Variants in CRACD observed in about 807,000 individuals in gnomAD.
CRACD encodes the protein capping protein inhibiting regulator of actin dynamics.
Under a neutral mutation model 106.8 loss-of-function variants are expected in CRACD, and 56 were observed. The observed-to-expected ratio is 0.52, with a 90% confidence interval of 0.42 to 0.66. The LOEUF (loss-of-function observed/expected upper bound fraction) is 0.66. CRACD is among the 30% of genes least tolerant of loss of function. The probability of loss-of-function intolerance (pLI) is 0.00; values close to 1 mark genes in which losing one functional copy is unlikely to be tolerated. For missense variants in CRACD, 1,730 were observed against 1,623.2 expected, an observed-to-expected ratio of 1.07 and a Z score of -1.13; for synonymous variants, 754 against 670.8, an observed-to-expected ratio of 1.12 and a Z score of -1.92.
chr4:56,261,732 G>GA (rs1741717404), intron 2 of CRACD, among the ~76,000 whole-genome samples: 1 of 152,032 alleles, frequency 6.6e-6, no homozygotes, highest in African/African-American at 2.4e-5. Context: ...CAGACCAGTG[G>GA]AAAAAAACTA....
At chr4:56,176,024 T>C (rs1272135062) in intron 1 of CRACD, among the ~76,000 whole-genome samples, 2 of 152,236 alleles carry the variant, frequency 1.3e-5, no homozygotes, top group Non-Finnish European at 2.9e-5. Context: ...GCATCATTTA[T>C]TGAAGAGACT....
At chr4:56,234,450 A>G (rs915598873) in intron 2 of CRACD, among the ~76,000 whole-genome samples, 64 of 152,066 alleles carry the variant, frequency 4.2e-4, no homozygotes, top group African/African-American at 1.5e-3. Context: ...GTGGATCTAT[A>G]TAACATCTTG....
intron 2 of CRACD, among the ~76,000 whole-genome samples, chr4:56,240,671 A>AT (rs545610884): frequency 2.6e-5 from 4 of 152,150 alleles, no homozygotes; most frequent in East Asian, 1.9e-4. Flanking sequence ...CACTTGGCTA[A>AT]TTTTTTCTGT....
At chr4:56,100,881 T>C (rs1328154043) in intron 1 of CRACD, among the ~76,000 whole-genome samples, 3 of 152,204 alleles carry the variant, frequency 2.0e-5, no homozygotes, top group Non-Finnish European at 4.4e-5. Flanking sequence ...AATGAATATC[T>C]ATATCAAGTG....
chr4:56,066,370 G>A (rs1252258775), intron 1 of CRACD, among the ~76,000 whole-genome samples: 2 of 152,008 alleles, frequency 1.3e-5, no homozygotes, highest in Non-Finnish European at 2.9e-5. Flanking sequence ...TTTCATCATA[G>A]CTTGTGGTCA....
chr4:56,171,711 A>G (rs1736371591), intron 1 of CRACD, among the ~76,000 whole-genome samples: 1 of 152,230 alleles, frequency 6.6e-6, no homozygotes, highest in Admixed American at 6.5e-5. Flanking sequence ...TCAACATTGT[A>G]GCTTAGCTAA....
intron 2 of CRACD, among the ~76,000 whole-genome samples, chr4:56,238,094 T>G (rs1459233820): frequency 6.6e-6 from 1 of 152,196 alleles, no homozygotes; most frequent in Non-Finnish European, 1.5e-5. Context: ...GTTCCAAAAC[T>G]GAGTACTTAA....
At chr4:56,316,728 G>A in intron 8 of CRACD, 39 bp downstream of exon 8, 3 of 1,533,196 alleles carry the variant, frequency 2.0e-6, no homozygotes, top group Non-Finnish European at 2.6e-6. Context: ...GCCAGCCGAG[G>A]TGTCAGAGCC....
intron 1 of CRACD, among the ~76,000 whole-genome samples, chr4:56,107,113 C>A (rs962861040): frequency 2.0e-5 from 3 of 152,100 alleles, no homozygotes; most frequent in Non-Finnish European, 4.4e-5. Context: ...GCTGGGACTA[C>A]GGGCATGTGC....
At chr4:56,317,508 A>G (rs991881065) in intron 8 of CRACD, among the ~76,000 whole-genome samples, 1 of 152,202 alleles carries the variant, frequency 6.6e-6, no homozygotes. Context: ...TAGAAATTGA[A>G]ATAATAATCC....
chr4:56,110,430 G>A (rs566192438), intron 1 of CRACD, among the ~76,000 whole-genome samples: 1 of 152,162 alleles, frequency 6.6e-6, no homozygotes, highest in Non-Finnish European at 1.5e-5. Flanking sequence ...TACCATGAAA[G>A]TGAGGTGAAG....
rs543291815 is a variant in CRACD at position 56,215,221 on chromosome 4, A to G, written c.-189+35791A>G. Among the ~76,000 whole-genome samples the G allele has an allele frequency of 3.9e-5, 6 of 152,152 alleles. No individual in the cohort carries two copies. In the East Asian group the frequency reaches 1.2e-3, roughly 29 times the overall value. On this transcript the variant is annotated intron_variant, in intron 2 of 10. Coordinates refer to ENST00000682029, the MANE Select transcript of CRACD (RefSeq NM_001393381.1). ...TTTTTGTAGAGATGGGGGTCTCACT[A>G]TGTTGCCCAGGCTGATCTTGAACTC...
intron 1 of CRACD, among the ~76,000 whole-genome samples, chr4:56,099,346 A>G (rs947568122): frequency 2.0e-5 from 3 of 152,194 alleles, no homozygotes; most frequent in African/African-American, 7.2e-5. Context: ...AGTTGGACCT[A>G]ATAGATACCT....
intron 1 of CRACD, among the ~76,000 whole-genome samples, chr4:56,071,364 A>G (rs1012112955): frequency 6.6e-6 from 1 of 152,096 alleles, no homozygotes; most frequent in Non-Finnish European, 1.5e-5. Flanking sequence ...GTAATGGATG[A>G]TTATTCTTCT....
chr4:56,161,650 G>C (rs1329395903), intron 1 of CRACD, among the ~76,000 whole-genome samples: 1 of 152,042 alleles, frequency 6.6e-6, no homozygotes, highest in Admixed American at 6.6e-5. Context: ...AGTGAAGATA[G>C]AGTTTCACCA....
At chr4:56,199,793 C>A (rs1233856684) in intron 2 of CRACD, among the ~76,000 whole-genome samples, 1 of 151,842 alleles carries the variant, frequency 6.6e-6, no homozygotes, top group African/African-American at 2.4e-5. Context: ...TCCCTAAGAA[C>A]TTGTCAAGTT....
chr4:56,252,079 G>T (rs993917781), intron 2 of CRACD, among the ~76,000 whole-genome samples: 2 of 152,104 alleles, frequency 1.3e-5, no homozygotes, highest in Non-Finnish European at 2.9e-5. Flanking sequence ...TATACTTAGT[G>T]TTACTAAGCA....
At chr4:56,128,778 A>G (rs1023546877) in intron 1 of CRACD, among the ~76,000 whole-genome samples, 7 of 152,138 alleles carry the variant, frequency 4.6e-5, no homozygotes, top group Admixed American at 3.3e-4. Flanking sequence ...CCCGCATAAA[A>G]TGTTCTTTTC....
At chr4:56,301,175 A>T (rs890538467) in intron 4 of CRACD, 1 of 1,215,082 alleles carries the variant, frequency 8.2e-7, no homozygotes, top group Admixed American at 2.6e-5. Flanking sequence ...TTTTGGCGTG[A>T]CTTGAGATAT....
Sources: gnomAD v4.1 joint callset for allele counts (sites outside exome capture counted in the v4.1 genomes callset) on GRCh38, gnomAD v4.1.1 for gene constraint, MANE v1.5 for transcripts, NCBI Gene and HGNC (gene_info 2026-07-23, HGNC 2026-07-21) for gene names.